Variants in PIP5K1B observed in about 807,000 individuals in gnomAD.
The protein encoded by PIP5K1B is phosphatidylinositol 4-phosphate 5-kinase type-1 beta.
PIP5K1B carries 42 observed loss-of-function variants against 67.0 expected under a neutral mutation model. That is an observed-to-expected ratio of 0.63 (90% CI 0.49 to 0.81). PIP5K1B has a LOEUF of 0.81. Among genes scored for constraint, PIP5K1B ranks in the 30% least tolerant of loss-of-function variants. PIP5K1B has a pLI of 0.00. For synonymous variants in PIP5K1B, 214 were observed against 231.4 expected, an observed-to-expected ratio of 0.92 and a Z score of 0.68; for missense variants, 459 against 646.3, an observed-to-expected ratio of 0.71 and a Z score of 3.14.
At chr9:68,762,687 A>G (rs1401031551) in intron 2 of PIP5K1B, among the ~76,000 whole-genome samples, 1 of 152,154 alleles carries the variant, frequency 6.6e-6, no homozygotes, top group Non-Finnish European at 1.5e-5. Context: ...ACTTGCACTT[A>G]TGAAGTGTTG....
Position 68,732,948 on chromosome 9 carries a change from T to A in PIP5K1B, c.-242-9553T>A, listed in dbSNP as rs139952913. Among the ~76,000 whole-genome samples the A allele has an allele frequency of 6.7e-3, 1,016 of 151,670 alleles. 11 individuals carry two copies. Among genetic ancestry groups the A allele is most frequent in the African/African-American group, 0.023 (968 of 41,300 alleles). ...GGGGCGGCGCGGTGGGAGATGATGA[T>A]GATGATGACGACGACGATGATGTGG... is the stretch of plus-strand genomic sequence containing the variant. On this transcript the variant is annotated intron_variant, in intron 1 of 15. Coordinates refer to ENST00000265382, the MANE Select transcript of PIP5K1B (RefSeq NM_003558.4).
At chr9:68,707,647 AT>A (rs1827185083) in intron 1 of PIP5K1B, 1 of 152,156 alleles carries the variant, frequency 6.6e-6, no homozygotes, top group South Asian at 2.1e-4. Context: ...TTTTCCATGG[AT>A]TTACATCTCA....
At chr9:68,783,153 T>C (rs1339881702) in intron 2 of PIP5K1B, 3 of 167,084 alleles carry the variant, frequency 1.8e-5, no homozygotes, top group African/African-American at 7.2e-5. Flanking sequence ...AAAACTTCAC[T>C]TGCTTCCCCA....
intron 12 of PIP5K1B, among the ~76,000 whole-genome samples, chr9:68,930,053 G>A (rs913190380): frequency 2.8e-4 from 43 of 152,278 alleles, no homozygotes; most frequent in Middle Eastern, 3.4e-3. Context: ...CTTGTCTTTC[G>A]TAACTCAGGA....
rs1827077217 is a variant in PIP5K1B, at chr9:68,705,523, G to C, written c.-482G>C. 6.6e-6 allele frequency: 1 copy of C among 151,824 alleles called. No homozygotes were observed. The highest frequency in any genetic ancestry group is 2.0e-4 in the East Asian group (1 of 5,090). 9.4% of individuals were successfully genotyped at this position (151,824 alleles called of 1,614,324 possible). ...ACTCGTAGCCGCGCGCCCCCGCCAA[G>C]GCGCGTCCGGAGCGAGTTTGGCCCC... On this transcript the variant is annotated 5_prime_UTR_variant, in exon 1 of 16. Transcript: ENST00000265382.
At position 68,934,905 on chromosome 9, in the gene PIP5K1B, C is replaced by T. The variant is rs1342770392; in HGVS notation, c.1217C>T (p.Pro406Leu). The T allele has an allele frequency of 5.6e-6, 9 of 1,609,576 alleles. No homozygotes were observed. In the Admixed American group the frequency reaches 1.2e-4, roughly 21 times the overall value. ...FKKIQALKAS[P>L]SKKRCNSIAA... ...TTCTGTCTAGCTTTGAAGGCTTCACCGTCTAAGAAACGGTGCAATTCAATC... is the reference window on the plus strand; with the variant it reads ...TTCTGTCTAGCTTTGAAGGCTTCACTGTCTAAGAAACGGTGCAATTCAATC... The change falls in exon 13 of 16, where the codon CCG (proline) becomes CTG (leucine). Residue 406 changes from proline to leucine, a missense_variant. Transcript: ENST00000265382.
intron 2 of PIP5K1B, among the ~76,000 whole-genome samples, chr9:68,758,399 C>T (rs1830034871): frequency 3.3e-5 from 5 of 152,010 alleles, no homozygotes; most frequent in Non-Finnish European, 7.4e-5. Flanking sequence ...AAATTCTCAG[C>T]AAATGAATAC....
chr9:68,816,038 G>C (rs1435555738), intron 2 of PIP5K1B, among the ~76,000 whole-genome samples: 2 of 152,116 alleles, frequency 1.3e-5, no homozygotes, highest in Non-Finnish European at 2.9e-5. Context: ...GATAAAAATT[G>C]TTCTAAAATA....
chr9:68,722,454 T>A (rs10125270), intron 1 of PIP5K1B, among the ~76,000 whole-genome samples: 105,743 of 151,424 alleles, frequency 0.7, 37,460 homozygotes, highest in African/African-American at 0.81. Flanking sequence ...ACCTCAAGTG[T>A]TCCGCCCGCC....
chr9:68,953,105 T>C (rs1042530228), intron 14 of PIP5K1B, among the ~76,000 whole-genome samples: 7 of 152,110 alleles, frequency 4.6e-5, no homozygotes, highest in Admixed American at 4.6e-4. Flanking sequence ...CTTTTATGCA[T>C]ACAGAATATC....
chr9:68,720,881 A>T (rs1309800757), intron 1 of PIP5K1B, among the ~76,000 whole-genome samples: 1 of 152,216 alleles, frequency 6.6e-6, no homozygotes, highest in East Asian at 1.9e-4. Flanking sequence ...GTTTGGGTAC[A>T]TTCTGGCCCT....
At chr9:68,712,826 A>G (rs1827455473) in intron 1 of PIP5K1B, among the ~76,000 whole-genome samples, 1 of 152,252 alleles carries the variant, frequency 6.6e-6, no homozygotes, top group African/African-American at 2.4e-5. Flanking sequence ...TGAACAAAGA[A>G]GAGGAAATTA....
chr9:68,847,402 C>A (rs1464607519), intron 4 of PIP5K1B, among the ~76,000 whole-genome samples: 1 of 123,852 alleles, frequency 8.1e-6, no homozygotes, highest in South Asian at 2.7e-4. Context: ...TCAGCAACAA[C>A]AGCAGTGGTT....
chr9:68,912,823 A>G (rs1364419233), intron 8 of PIP5K1B, among the ~76,000 whole-genome samples: 4 of 152,168 alleles, frequency 2.6e-5, no homozygotes, highest in Non-Finnish European at 5.9e-5. Context: ...GTAAAAGCAA[A>G]AGGAGGACCA....
At chr9:68,834,813 G>A (rs1160922052) in intron 4 of PIP5K1B, among the ~76,000 whole-genome samples, 1 of 152,156 alleles carries the variant, frequency 6.6e-6, no homozygotes, top group Non-Finnish European at 1.5e-5. Flanking sequence ...GTGGGTCACT[G>A]TACAGGCATT....
chr9:68,895,970 A>G (rs559133116), intron 8 of PIP5K1B, among the ~76,000 whole-genome samples: 15 of 152,172 alleles, frequency 9.9e-5, no homozygotes, highest in Non-Finnish European at 2.2e-4. Context: ...ATGTGCTTCT[A>G]ACAACTAAAA....
chr9:68,784,100 T>G (rs990715744), intron 2 of PIP5K1B: 9 of 167,126 alleles, frequency 5.4e-5, no homozygotes, highest in African/African-American at 2.2e-4. Context: ...CTTATTCTTC[T>G]ATATAGATGG....
At chr9:68,935,785 T>C (rs1245169293) in intron 13 of PIP5K1B, 1 of 152,186 alleles carries the variant, frequency 6.6e-6, no homozygotes, top group African/African-American at 2.4e-5. Flanking sequence ...CCACTGGTAA[T>C]ACTCAGGAGG....
chr9:68,976,844 C>G (rs1244603821), intron 14 of PIP5K1B, among the ~76,000 whole-genome samples: 1 of 152,186 alleles, frequency 6.6e-6, no homozygotes, highest in Non-Finnish European at 1.5e-5. Context: ...CACCACTCAC[C>G]TCCTGCTGTG....
Sources: allele counts gnomAD v4.1 joint callset (sites outside exome capture counted in the v4.1 genomes callset), GRCh38; gene constraint gnomAD v4.1.1; transcripts MANE v1.5; gene names NCBI Gene and HGNC (gene_info 2026-07-23, HGNC 2026-07-21).